Variants in HELLS observed in about 807,000 individuals in gnomAD.
The protein encoded by HELLS is lymphoid-specific helicase.
Under a neutral mutation model 120.0 loss-of-function variants are expected in HELLS, and 32 were observed. The observed-to-expected ratio is 0.27, with a 90% CI of 0.20 to 0.36. The LOEUF is 0.36. Ranked by LOEUF, HELLS falls within the 10% of genes least tolerant of loss-of-function variation. HELLS has a pLI of 1.00. For missense variants in HELLS, 650 were observed against 993.4 expected (o/e 0.65, Z 4.65); for synonymous variants, 341 against 323.4 (o/e 1.05, Z -0.58).
intron 12 of HELLS, among the ~76,000 whole-genome samples, chr10:94,583,795 A>G (rs1409101159): frequency 6.6e-6 from 1 of 152,164 alleles, no homozygotes; most frequent in Non-Finnish European, 1.5e-5. Flanking sequence ...AACAGTTATC[A>G]GAAAATTATT....
chr10:94,607,747 C>T (rs182606782), intron 8 of HELLS, among the ~76,000 whole-genome samples: 7 of 151,870 alleles, frequency 4.6e-5, no homozygotes, highest in South Asian at 4.2e-4. Context: ...TTTTTTGAGA[C>T]GGAGTCTTGC....
intron 2 of HELLS, among the ~76,000 whole-genome samples, chr10:94,547,278 A>T (rs973994559): frequency 4.6e-5 from 7 of 152,160 alleles, no homozygotes; most frequent in Non-Finnish European, 7.4e-5. Context: ...CTCTACCGAT[A>T]TTATGATATA....
At chr10:94,553,491 C>T (rs900192714) in intron 2 of HELLS, among the ~76,000 whole-genome samples, 1 of 151,902 alleles carries the variant, frequency 6.6e-6, no homozygotes, top group Admixed American at 6.6e-5. Context: ...TCAGGTGATC[C>T]ACCCTCCTCG....
At chr10:94,613,893 A>G (rs915674021) in exon 10 of HELLS, 2 of 152,214 alleles carry the variant, frequency 1.3e-5, no homozygotes, top group Non-Finnish European at 1.5e-5. Context: ...ATAAATATGT[A>G]GCTATGTGCT....
chr10:94,576,653 A>C lies in HELLS; in HGVS notation c.889-9A>C. On this transcript the variant is annotated splice_polypyrimidine_tract_variant and intron_variant, in intron 9 of 21. Coordinates refer to ENST00000348459, the MANE Select transcript of HELLS (RefSeq NM_018063.5). ...TAAGTCTGATAAAAATCAATATAAA[A>C]TTTTTCAGATCCCTACAATGTTATA... The C allele has an allele frequency of 6.7e-7, 1 of 1,501,042 alleles. No homozygotes were observed. Among genetic ancestry groups the C allele is most frequent in the Non-Finnish European group, 9.0e-7 (1 of 1,106,474 alleles). 93.0% of individuals were successfully genotyped at this position (1,501,042 alleles called of 1,614,324 possible).
downstream of HELLS, among the ~76,000 whole-genome samples, chr10:94,606,511 T>TA (rs111926762): frequency 7.8e-4 from 112 of 143,034 alleles, no homozygotes; most frequent in Middle Eastern, 3.6e-3. Context: ...CCAGATAATT[T>TA]AAAAAAAAAA....
intron 8 of HELLS, among the ~76,000 whole-genome samples, chr10:94,607,547 A>G (rs1390097456): frequency 6.6e-6 from 1 of 152,222 alleles, no homozygotes; most frequent in Non-Finnish European, 1.5e-5. Context: ...CAAAGTATAA[A>G]AAATACTTTT....
intron 6 of HELLS, among the ~76,000 whole-genome samples, chr10:94,567,950 G>A (rs545646518): frequency 1.3e-3 from 175 of 138,550 alleles, no homozygotes; most frequent in Non-Finnish European, 2.2e-3. Context: ...TCGCTCTGTC[G>A]CCAGGCTGGA....
intron 6 of HELLS, 136 bp downstream of exon 6, chr10:94,563,012 A>T (rs1050454231): frequency 4.9e-6 from 3 of 614,004 alleles, no homozygotes; most frequent in Admixed American, 3.3e-5. Context: ...TATATCATTT[A>T]TAGGTGAAGC....
chr10:94,546,304 G>C (rs972247679), intron 1 of HELLS, 73 bp from the exon 2 acceptor site: 2 of 1,585,098 alleles, frequency 1.3e-6, no homozygotes, highest in Non-Finnish European at 1.7e-6. Flanking sequence ...TGGGAGAAAG[G>C]CTGTTTCTTG....
rs887636544 is a variant in HELLS at position 94,563,200 on chromosome 10, A to C, written c.435+324A>C. Among the ~76,000 whole-genome samples the C allele has an allele frequency of 4.6e-5, 7 of 151,642 alleles. No individual in the cohort carries two copies. In the South Asian group the frequency reaches 1.2e-3, roughly 27 times the overall value. On this transcript the variant is annotated intron_variant, in intron 6 of 21. Coordinates refer to ENST00000348459, the MANE Select transcript of HELLS (RefSeq NM_018063.5). Reference sequence around the variant, plus strand: ...AACCTCCACCTCGCGGGTTCAAGCGATTCTCCTGTCTCAGCCTCCCAAGTA... The same window carrying C: ...AACCTCCACCTCGCGGGTTCAAGCGCTTCTCCTGTCTCAGCCTCCCAAGTA...
chr10:94,558,832 A>T (rs1301767547), intron 4 of HELLS, among the ~76,000 whole-genome samples: 1 of 151,962 alleles, frequency 6.6e-6, no homozygotes, highest in Non-Finnish European at 1.5e-5. Flanking sequence ...CCATCTCCTG[A>T]CCTTGTGATC....
chr10:94,581,815 T>G (rs1844883737), intron 11 of HELLS, among the ~76,000 whole-genome samples: 3 of 152,348 alleles, frequency 2.0e-5, no homozygotes, highest in Admixed American at 2.0e-4. Context: ...TGGATTTTTC[T>G]TACTATATCC....
Position 94,562,823 on chromosome 10 carries a change from A to C in HELLS, c.382A>C (p.Lys128Gln). ...ATTTTTTTTTATAGTTATGAGGAAA[A>C]AAAGAGGAAGAGAAGATGAATCATA... ...ASEEKPVMRK[K>Q]RGREDESYNI... The change falls in exon 6 of 22, where the codon AAA (lysine) becomes CAA (glutamine). Residue 128 changes from lysine (K) to glutamine (Q), a missense_variant. Physicochemically the swap from Lys to Gln is moderately conservative, Grantham distance 53. This residue lies in a region of HELLS where 113 missense variants were observed against 120.7 expected (regional missense o/e 0.94). Coordinates refer to ENST00000348459, the MANE Select transcript of HELLS (RefSeq NM_018063.5). 6.4e-7 allele frequency: 1 copy of C among 1,573,242 alleles called. No individual in the cohort carries two copies. The highest frequency in any genetic ancestry group is 8.7e-7 in the Non-Finnish European group (1 of 1,151,128).
chr10:94,599,913 T>A (rs1255556216), intron 21 of HELLS, among the ~76,000 whole-genome samples: 1 of 152,192 alleles, frequency 6.6e-6, no homozygotes, highest in Non-Finnish European at 1.5e-5. Context: ...TAGCTGTATT[T>A]GTGGATATGA....
chr10:94,603,689 G>A (rs958082693), downstream of HELLS, among the ~76,000 whole-genome samples: 11 of 151,998 alleles, frequency 7.2e-5, no homozygotes, highest in African/African-American at 2.7e-4. Flanking sequence ...TACTTCTTTT[G>A]CATTTTCCTT....
rs968169146 is a variant in HELLS, at chr10:94,554,236, G to A, written c.264G>A (p.Gln88=). The change falls in exon 3 of 22, where the codon CAG becomes CAA. Residue 88 remains glutamine, a synonymous_variant. Transcript: ENST00000348459. ...AATTTTTATTGACGAAAATGGAACA[G>A]CAACAATTAGAGGTATGTATATGTA... ...YSKFLLTKME[Q]QQLEEQKKKE... 2 of 1,557,208 alleles carry A rather than the reference G, an allele frequency of 1.3e-6. No individual in the cohort carries two copies. Among genetic ancestry groups the A allele is most frequent in the East Asian group, 2.4e-5 (1 of 42,320 alleles).
exon 9 of HELLS, chr10:94,607,951 C>G (rs542353022): frequency 2.3e-6 from 1 of 426,708 alleles, no homozygotes; most frequent in Non-Finnish European, 4.7e-6. Flanking sequence ...TGGTCCCGAA[C>G]TGATCTCAGG....
At chr10:94,602,458 T>G (rs559246954), downstream of HELLS, among the ~76,000 whole-genome samples, 2 of 152,198 alleles carry the variant, frequency 1.3e-5, no homozygotes, top group Middle Eastern at 3.4e-3. Context: ...GAGGCACAAT[T>G]TAGACCCTGT....
Sources: allele counts gnomAD v4.1 joint callset (sites outside exome capture counted in the v4.1 genomes callset), GRCh38; gene constraint gnomAD v4.1.1; regional missense constraint gnomAD v4.1.1; transcripts MANE v1.5; gene names NCBI Gene and HGNC (gene_info 2026-07-23, HGNC 2026-07-21).